The following MGST1 variants were observed in gnomAD, a reference collection of about 807,000 sequenced individuals.
MGST1 encodes the protein glutathione S-transferase 12.
MGST1 carries 5 observed loss-of-function variants against 8.9 expected under a neutral mutation model. That is an observed-to-expected ratio of 0.56 (90% confidence interval 0.29 to 1.19). The LOEUF is 1.19. Among genes scored for constraint, MGST1 ranks in the 50% most tolerant of loss-of-function variants. The probability of loss-of-function intolerance (pLI) is 0.08; values close to 1 mark genes in which losing one functional copy is unlikely to be tolerated. For missense variants in MGST1, 182 were observed against 187.4 expected (o/e 0.97, Z 0.17); for synonymous variants, 54 against 67.8 (o/e 0.80, Z 1.00).
At chr12:16,493,548 G>T (rs143207176) in intron 4 of MGST1, among the ~76,000 whole-genome samples, 24 of 152,220 alleles carry the variant, frequency 1.6e-4, no homozygotes, top group Admixed American at 6.5e-4. Context: ...CCTTCAATTG[G>T]CCAAGTCCTG....
At chr12:16,447,833 T>C (rs550551828) in intron 4 of MGST1, among the ~76,000 whole-genome samples, 5 of 152,004 alleles carry the variant, frequency 3.3e-5, no homozygotes, top group Admixed American at 1.3e-4. Context: ...AGTTCCTTTA[T>C]ATATTTTTCC....
At chr12:16,446,425 T>C (rs929761845) in intron 4 of MGST1, among the ~76,000 whole-genome samples, 3 of 151,938 alleles carry the variant, frequency 2.0e-5, no homozygotes, top group African/African-American at 7.2e-5. Flanking sequence ...TAAATCAAGG[T>C]CGCCATCTTC....
chr12:16,498,174 C>G (rs1047968426), intron 4 of MGST1, among the ~76,000 whole-genome samples: 1 of 152,066 alleles, frequency 6.6e-6, no homozygotes, highest in Non-Finnish European at 1.5e-5. Context: ...CATTATTTCA[C>G]TCATATTTAA....
At chr12:16,429,981 C>G (rs1281211298) in intron 1 of MGST1, among the ~76,000 whole-genome samples, 1 of 152,148 alleles carries the variant, frequency 6.6e-6, no homozygotes, top group African/African-American at 2.4e-5. Flanking sequence ...AAATTGGAGT[C>G]AATTCTTTCA....
chr12:16,472,791 T>G (rs1190839964), intron 4 of MGST1, among the ~76,000 whole-genome samples: 1 of 152,190 alleles, frequency 6.6e-6, no homozygotes, highest in Non-Finnish European at 1.5e-5. Flanking sequence ...GAAAATGATT[T>G]ATTTCAATTG....
Position 16,413,067 on chromosome 12 carries a change from G to A in MGST1, n.779-24321G>A, listed in dbSNP as rs1296132683. On this transcript the variant is annotated intron_variant and non_coding_transcript_variant, in intron 1 of 1. Coordinates refer to the MGST1 transcript ENST00000359720. The surrounding 1 kb of genome is among the most constrained non-coding windows in gnomAD (Gnocchi z 4.0). ...ACCCCACCTGTCCTGGATGGTGATA[G>A]TGAAGGTGGTTAATTTAGGGGTGAG... Among the ~76,000 whole-genome samples, 1 of 152,140 alleles carries A rather than the reference G, an allele frequency of 6.6e-6. No homozygotes were observed. The highest frequency in any genetic ancestry group is 1.5e-5 in the Non-Finnish European group (1 of 68,024).
chr12:16,357,565 C>T (rs1939776758), intron 2 of MGST1, 40 bp from the exon 3 acceptor site: 2 of 1,497,102 alleles, frequency 1.3e-6, no homozygotes, highest in Non-Finnish European at 1.9e-6. Flanking sequence ...TGCTCCTGGC[C>T]AGTATTTGAA....
At chr12:16,574,981 G>A (rs1015152014) in intron 4 of MGST1, among the ~76,000 whole-genome samples, 1 of 152,138 alleles carries the variant, frequency 6.6e-6, no homozygotes, top group African/African-American at 2.4e-5. Context: ...CTCAATTGAA[G>A]TATGATACAT....
At chr12:16,484,169 A>G (rs964439409) in intron 4 of MGST1, among the ~76,000 whole-genome samples, 5 of 152,204 alleles carry the variant, frequency 3.3e-5, no homozygotes, top group African/African-American at 1.2e-4. Flanking sequence ...AGCACTCTTC[A>G]GAGTCTGAAA....
chr12:16,427,097 C>A (rs1239585308), intron 1 of MGST1, among the ~76,000 whole-genome samples: 2 of 151,824 alleles, frequency 1.3e-5, no homozygotes, highest in Non-Finnish European at 2.9e-5. Flanking sequence ...ATTAAGTTGA[C>A]AATTTGCAGT....
chr12:16,522,280 G>C (rs560296026), intron 4 of MGST1, among the ~76,000 whole-genome samples: 1 of 152,210 alleles, frequency 6.6e-6, no homozygotes, highest in South Asian at 2.1e-4. Context: ...CTAATTTGCT[G>C]TTTATCTTTG....
At position 16,559,350 on chromosome 12, in the gene MGST1, G is replaced by C. The variant is rs1382876500; in HGVS notation, n.483-30178G>C. On this transcript the variant is annotated intron_variant and non_coding_transcript_variant, in intron 4 of 4. Coordinates refer to the MGST1 transcript ENST00000538857. This position sits in a 1 kb window ranked among gnomAD's most constrained non-coding sequence, Gnocchi z 4.1. ...ATATAACTTTCAATAAGAAAAAATG[G>C]AATTAAGTGATAATACTTTTCAGCT... Among the ~76,000 whole-genome samples, 1 of 152,086 alleles carries C rather than the reference G, an allele frequency of 6.6e-6. No homozygotes were observed. Among genetic ancestry groups the C allele is most frequent in the Non-Finnish European group, 1.5e-5 (1 of 68,026 alleles).
chr12:16,567,168 C>T (rs1406199806), intron 4 of MGST1, among the ~76,000 whole-genome samples: 2 of 151,938 alleles, frequency 1.3e-5, no homozygotes, highest in African/African-American at 2.4e-5. Context: ...TGCACTCCAG[C>T]CTGGGCAATA....
chr12:16,514,409 G>T, intron 4 of MGST1: 1 of 282,896 alleles, frequency 3.5e-6, no homozygotes. Context: ...TGCAAGAAGT[G>T]AAAGGCAAGG....
downstream of MGST1, among the ~76,000 whole-genome samples, chr12:16,366,628 TACACACAC>T (rs374809283): frequency 8.3e-5 from 7 of 83,926 alleles, no homozygotes; most frequent in South Asian, 3.5e-4. This position sits in a 1 kb window ranked among gnomAD's most constrained non-coding sequence, Gnocchi z 4.0. Context: ...TATCTGTGTG[TACACACAC>T]ACACACACAC....
At chr12:16,590,396 T>G (rs1422837277), downstream of MGST1, among the ~76,000 whole-genome samples, 1 of 152,044 alleles carries the variant, frequency 6.6e-6, no homozygotes, top group Non-Finnish European at 1.5e-5. Flanking sequence ...AAGTGCTGGA[T>G]TTAGAAACAT....
At position 16,547,703 on chromosome 12, in the gene MGST1, T is replaced by TA. The variant is rs532979958; in HGVS notation, n.483-41819dup. On this transcript the variant is annotated intron_variant and non_coding_transcript_variant, in intron 4 of 4. Transcript: ENST00000538857. The surrounding 1 kb of genome is among the most constrained non-coding windows in gnomAD (Gnocchi z 4.6). The stretch of plus-strand genomic sequence containing the variant: ...CCTTAAATTACATTAAAACCACATT[T>TA]AAAAAATATAACAATGTTTTTAAGA... Among the ~76,000 whole-genome samples, 84 of 152,274 alleles carry TA rather than the reference T, an allele frequency of 5.5e-4. 1 individual carries two copies. Among genetic ancestry groups the TA allele is most frequent in the Middle Eastern group, 6.8e-3 (2 of 294 alleles).
chr12:16,460,214 T>G (rs1341727059), intron 4 of MGST1, among the ~76,000 whole-genome samples: 1 of 152,126 alleles, frequency 6.6e-6, no homozygotes, highest in African/African-American at 2.4e-5. Flanking sequence ...TTATTAACAG[T>G]GTGGCAGTGC....
chr12:16,562,385 T>C (rs1488535305), intron 4 of MGST1, among the ~76,000 whole-genome samples: 1 of 152,228 alleles, frequency 6.6e-6, no homozygotes, highest in Non-Finnish European at 1.5e-5. Flanking sequence ...CTGGTTAACA[T>C]GCGATAAAGC....
Sources: gnomAD v4.1 joint callset for allele counts (sites outside exome capture counted in the v4.1 genomes callset) on GRCh38, gnomAD v4.1.1 for gene constraint, Gnocchi (gnomAD v3.1) non-coding constraint, MANE v1.5 for transcripts, NCBI Gene and HGNC (gene_info 2026-07-23, HGNC 2026-07-21) for gene names.